ANKH: variants seen among roughly 807,000 people sequenced by gnomAD.
ANKH encodes the protein ANKH inorganic pyrophosphate transport regulator.
In ANKH, 15 loss-of-function variants were observed where a neutral mutation model predicts 49.0. That is an observed-to-expected ratio of 0.31 (90% CI 0.20 to 0.47). ANKH has a LOEUF of 0.47. Ranked by LOEUF, ANKH falls within the 20% of genes least tolerant of loss-of-function variation. The pLI is 1.00. For synonymous variants in ANKH, 273 were observed against 260.0 expected, an observed-to-expected ratio of 1.05 and a Z score of -0.48; for missense variants, 429 against 652.0, an observed-to-expected ratio of 0.66 and a Z score of 3.72.
In ANKH at chr5:14,737,269, G is replaced by A. The variant is rs74437401; in HGVS notation, c.1011+4558C>T. Reference sequence around the variant, plus strand: ...ACTGTTGGAAGATACAGCCCATGCCGGTGAGTGGTTTCTATCTTATCCCCA... The same window carrying A: ...ACTGTTGGAAGATACAGCCCATGCCAGTGAGTGGTTTCTATCTTATCCCCA... On this transcript the variant is annotated intron_variant, in intron 8 of 11. Coordinates refer to ENST00000284268, the MANE Select transcript of ANKH (RefSeq NM_054027.6). This position sits in a 1 kb window ranked among gnomAD's most constrained non-coding sequence, Gnocchi z 5.0. Among the ~76,000 whole-genome samples the A allele has an allele frequency of 7.6e-4, 116 of 152,290 alleles. 1 individual carries two copies. In the East Asian group the frequency reaches 0.016, roughly 21 times the overall value.
intron 1 of ANKH, among the ~76,000 whole-genome samples, chr5:14,791,891 T>C (rs1290721673): frequency 6.6e-6 from 1 of 152,224 alleles, no homozygotes; most frequent in Non-Finnish European, 1.5e-5. Flanking sequence ...GTACCTGTTA[T>C]GTGCCTGGTA....
At chr5:14,867,723 C>G (rs1735689688) in intron 1 of ANKH, among the ~76,000 whole-genome samples, 1 of 152,078 alleles carries the variant, frequency 6.6e-6, no homozygotes. Context: ...CCGCGCCTGG[C>G]TAATTTTTTG....
intron 1 of ANKH, among the ~76,000 whole-genome samples, chr5:14,850,364 C>T (rs1742089752): frequency 6.6e-6 from 1 of 152,230 alleles, no homozygotes; most frequent in African/African-American, 2.4e-5. Context: ...AGCTTGTTGT[C>T]CTTCCATTTA....
intron 1 of ANKH, among the ~76,000 whole-genome samples, chr5:14,780,759 G>A (rs1027332800): frequency 3.9e-5 from 6 of 152,126 alleles, no homozygotes; most frequent in African/African-American, 1.4e-4. Context: ...ATACCTAAGA[G>A]CCAGGTAATT....
chr5:14,721,557 A>G (rs1049780570), intron 8 of ANKH, among the ~76,000 whole-genome samples: 1 of 152,166 alleles, frequency 6.6e-6, no homozygotes, highest in Non-Finnish European at 1.5e-5. Flanking sequence ...CTTTTCAGCA[A>G]GTTTTTCAAC....
In ANKH at chr5:14,762,330, T is replaced by C. The variant is rs563057251; in HGVS notation, c.314-3732A>G. ...CTGGGGCGTTCGCCATCCATTCTCC[T>C]GGGGATGAGCCCAGCCCAGCTTTCT... is the stretch of plus-strand genomic sequence containing the variant. On this transcript the variant is annotated intron_variant, in intron 2 of 11. Transcript: ENST00000284268. 1.3e-4 allele frequency among the ~76,000 whole-genome samples: 20 copies of C among 152,370 alleles called. No individual in the cohort carries two copies. In the East Asian group the frequency reaches 2.1e-3, roughly 16 times the overall value.
chr5:14,772,789 C>T (rs1288165717), intron 1 of ANKH, among the ~76,000 whole-genome samples: 1 of 152,238 alleles, frequency 6.6e-6, no homozygotes, highest in East Asian at 1.9e-4. Context: ...GTGGACCCAT[C>T]CCCGGATGTT....
intron 6 of ANKH, among the ~76,000 whole-genome samples, chr5:14,748,131 T>C (rs180900617): frequency 3.2e-4 from 49 of 152,250 alleles, no homozygotes; most frequent in Admixed American, 3.1e-3. Flanking sequence ...AGCACACAGG[T>C]GGTGGGGGTC....
rs1175849840 is a variant in ANKH at position 14,821,327 on chromosome 5, G to C, written c.96+50025C>G. Among the ~76,000 whole-genome samples the C allele has an allele frequency of 7.9e-5, 12 of 152,182 alleles. No individual in the cohort carries two copies. In the East Asian group the frequency reaches 1.7e-3, roughly 22 times the overall value. On this transcript the variant is annotated intron_variant, in intron 1 of 11. Transcript: ENST00000284268. ...AGCTTCTTCAAAATGAGGGCCATCTGGTTGACAACAACCGTTTAAATTGGC... is the reference window on the plus strand; with the variant it reads ...AGCTTCTTCAAAATGAGGGCCATCTCGTTGACAACAACCGTTTAAATTGGC...
chr5:14,808,415 A>T (rs1429723538), intron 1 of ANKH, among the ~76,000 whole-genome samples: 1 of 152,214 alleles, frequency 6.6e-6, no homozygotes, highest in Non-Finnish European at 1.5e-5. Context: ...TAATTAAAAA[A>T]TTTCCTACTC....
At chr5:14,800,205 G>A (rs1312522854) in intron 1 of ANKH, among the ~76,000 whole-genome samples, 1 of 152,226 alleles carries the variant, frequency 6.6e-6, no homozygotes, top group African/African-American at 2.4e-5. Flanking sequence ...AACTTCAATA[G>A]ATGAGGAGCT....
intron 1 of ANKH, chr5:14,868,373 G>T (rs1735714447): frequency 6.7e-6 from 1 of 150,348 alleles, no homozygotes; most frequent in African/African-American, 2.4e-5. Context: ...CTCATGAGAG[G>T]TTTTATTTTT....
At chr5:14,821,450 G>C (rs186346650) in intron 1 of ANKH, among the ~76,000 whole-genome samples, 1 of 152,178 alleles carries the variant, frequency 6.6e-6, no homozygotes, top group Non-Finnish European at 1.5e-5. Flanking sequence ...ATTCCAGATC[G>C]GAGGGAGGAA....
intron 8 of ANKH, among the ~76,000 whole-genome samples, chr5:14,729,357 T>G (rs920630676): frequency 2.0e-5 from 3 of 151,756 alleles, no homozygotes; most frequent in African/African-American, 7.3e-5. Flanking sequence ...CCCACTACTT[T>G]TTTTTTATTT....
intron 1 of ANKH, among the ~76,000 whole-genome samples, chr5:14,790,782 G>C (rs1740140058): frequency 6.6e-6 from 1 of 152,166 alleles, no homozygotes; most frequent in South Asian, 2.1e-4. Context: ...TTAATTTTTT[G>C]TATTTTTAGT....
At chr5:14,767,327 A>G (rs1325357987) in intron 2 of ANKH, among the ~76,000 whole-genome samples, 3 of 152,244 alleles carry the variant, frequency 2.0e-5, no homozygotes, top group African/African-American at 7.2e-5. Flanking sequence ...AGGGTACATC[A>G]TTAAGATCTG....
chr5:14,752,552 C>T (rs1738755224), intron 4 of ANKH, among the ~76,000 whole-genome samples: 1 of 152,146 alleles, frequency 6.6e-6, no homozygotes, highest in African/African-American at 2.4e-5. Flanking sequence ...GTCTAGAGTC[C>T]TCCTGGGATC....
chr5:14,743,727 C>T (rs769150688), intron 7 of ANKH, among the ~76,000 whole-genome samples: 19 of 152,124 alleles, frequency 1.2e-4, no homozygotes, highest in Non-Finnish European at 1.9e-4. Flanking sequence ...TGGTGTAGCT[C>T]GCTGGAATGC....
At chr5:14,798,491 ATTT>A in intron 1 of ANKH, 1 of 852,156 alleles carries the variant, frequency 1.2e-6, no homozygotes, top group Non-Finnish European at 1.7e-6. Flanking sequence ...CGCGGTCTCT[ATTT>A]TTTTTTTTAA....
Sources: gnomAD v4.1 joint callset for allele counts (sites outside exome capture counted in the v4.1 genomes callset) on GRCh38, gnomAD v4.1.1 for gene constraint, Gnocchi (gnomAD v3.1) non-coding constraint, MANE v1.5 for transcripts, NCBI Gene and HGNC (gene_info 2026-07-23, HGNC 2026-07-21) for gene names.